The following PUS7 variants were observed in gnomAD, a reference collection of about 807,000 sequenced individuals.
The protein encoded by PUS7 is pseudouridylate synthase 7 homolog.
In PUS7, 48 loss-of-function variants were observed where a neutral mutation model predicts 79.8. The observed-to-expected ratio is 0.60, with a 90% CI of 0.48 to 0.76. The LOEUF (loss-of-function observed/expected upper bound fraction) is 0.76. Among genes scored for constraint, PUS7 ranks in the 30% least tolerant of loss-of-function variants. The probability of loss-of-function intolerance (pLI) is 0.00; values close to 1 mark genes in which losing one functional copy is unlikely to be tolerated. For synonymous variants in PUS7, 286 were observed against 272.2 expected (o/e 1.05, Z -0.50); for missense variants, 729 against 797.6 (o/e 0.91, Z 1.04).
At position 105,470,770 on chromosome 7, in the gene PUS7, G is replaced by C. The variant is rs776599520; in HGVS notation, c.1316C>G (p.Pro439Arg). The change falls in exon 11 of 16, where the codon CCT (proline) becomes CGT (arginine). Residue 439 changes from proline to arginine, a missense_variant. Coordinates refer to ENST00000469408, the MANE Select transcript of PUS7 (RefSeq NM_019042.5). ...KDPTAALRKL[P>R]VKRCVEGQLL... ...CTGCCCTTCCACACACCTTTTGACA[G>C]GTAGTTTTCTGAGGGCAGCAGTTGG... is the stretch of plus-strand genomic sequence containing the variant. 1 of 1,612,454 alleles carries C rather than the reference G, an allele frequency of 6.2e-7. No individual in the cohort carries two copies. Among genetic ancestry groups the C allele is most frequent in the East Asian group, 2.2e-5 (1 of 44,852 alleles).
chr7:105,494,402 ATTTTTTTTTTTT>A (rs756519297), intron 6 of PUS7, among the ~76,000 whole-genome samples: 46 of 87,812 alleles, frequency 5.2e-4, no homozygotes, highest in African/African-American at 1.7e-3. Flanking sequence ...ATGATCAGTG[ATTTTTTTTTTTT>A]TTTTTTTTTT....
chr7:105,496,212 T>G (rs1244387741), intron 5 of PUS7, among the ~76,000 whole-genome samples: 142 of 71,164 alleles, frequency 2.0e-3, no homozygotes, highest in Non-Finnish European at 2.9e-3. Context: ...TATATATATA[T>G]ATATATATAT....
chr7:105,492,806 C>A (rs1426923084), intron 6 of PUS7, among the ~76,000 whole-genome samples: 3 of 151,628 alleles, frequency 2.0e-5, no homozygotes, highest in Admixed American at 6.6e-5. Context: ...CGCGCCCGGC[C>A]GATTTTTTGT....
At chr7:105,478,847 C>G (rs761817726) in intron 9 of PUS7, among the ~76,000 whole-genome samples, 1 of 152,198 alleles carries the variant, frequency 6.6e-6, no homozygotes, top group African/African-American at 2.4e-5. Context: ...GCTGACCGTA[C>G]TGACCTTTGG....
chr7:105,515,791 T>TTTATTTATTTATTTATTTATTTA (rs59653781), intron 1 of PUS7, among the ~76,000 whole-genome samples: 12 of 121,270 alleles, frequency 9.9e-5, no homozygotes, highest in African/African-American at 1.3e-4. Flanking sequence ...TTTTATTTTA[T>TTTATTTATTTATTTATTTATTTA]TTTATTTATT....
At position 105,457,785 on chromosome 7, in the gene PUS7, A is replaced by T. The variant is rs144603382; in HGVS notation, c.*5T>A. 7.4e-6 allele frequency: 12 copies of T among 1,613,780 alleles called. No homozygotes were observed. The highest frequency in any genetic ancestry group is 1.0e-5 in the Non-Finnish European group (12 of 1,179,742). Reference sequence around the variant, plus strand: ...ACGTTTTCTAATCTGTGGACAAGGTACTGCTCAGCGAAGCCAGGTTGTATT... The same window carrying T: ...ACGTTTTCTAATCTGTGGACAAGGTTCTGCTCAGCGAAGCCAGGTTGTATT... On this transcript the variant is annotated 3_prime_UTR_variant, in exon 16 of 16. Transcript: ENST00000469408.
intron 1 of PUS7, among the ~76,000 whole-genome samples, chr7:105,520,670 C>G (rs141620955): frequency 6.6e-6 from 1 of 152,060 alleles, no homozygotes; most frequent in African/African-American, 2.4e-5. Flanking sequence ...TGCAGTGAGC[C>G]AAGATCGTGC....
In PUS7 at chr7:105,507,054, TA is replaced by T. The variant is rs1014424276; in HGVS notation, c.399-782del. Among the ~76,000 whole-genome samples the T allele has an allele frequency of 1.2e-4, 19 of 152,276 alleles. No homozygotes were observed. In the East Asian group the frequency reaches 3.1e-3, roughly 25 times the overall value. On this transcript the variant is annotated intron_variant, in intron 2 of 15. Coordinates refer to ENST00000469408, the MANE Select transcript of PUS7 (RefSeq NM_019042.5). ...TTTAAAAATTTTATTTTATTACTAT[TA>T]TTTTTTTTGAGACAGAGTCTTGCTC...
At chr7:105,517,908 C>T (rs1260362107) in intron 1 of PUS7, among the ~76,000 whole-genome samples, 2 of 152,088 alleles carry the variant, frequency 1.3e-5, no homozygotes, top group Non-Finnish European at 2.9e-5. Context: ...CCAGCACTTT[C>T]GGAGTCCGAG....
At chr7:105,518,962 C>T (rs1176032865) in intron 1 of PUS7, among the ~76,000 whole-genome samples, 1 of 151,714 alleles carries the variant, frequency 6.6e-6, no homozygotes, top group Non-Finnish European at 1.5e-5. Flanking sequence ...TAGAGATGGG[C>T]TTTCACCGTG....
At chr7:105,477,887 C>T (rs1186959908) in intron 9 of PUS7, among the ~76,000 whole-genome samples, 1 of 152,164 alleles carries the variant, frequency 6.6e-6, no homozygotes, top group Non-Finnish European at 1.5e-5. Flanking sequence ...ACTGCATCCT[C>T]AAACTCCTGG....
At chr7:105,471,642 G>T (rs1407614335) in intron 10 of PUS7, among the ~76,000 whole-genome samples, 2 of 152,148 alleles carry the variant, frequency 1.3e-5, no homozygotes, top group Non-Finnish European at 2.9e-5. Context: ...GCTGAGCATG[G>T]TGGCTCATGC....
At chr7:105,513,854 T>A (rs1261036588) in intron 1 of PUS7, among the ~76,000 whole-genome samples, 23 of 132,192 alleles carry the variant, frequency 1.7e-4, no homozygotes, top group South Asian at 5.2e-4. Flanking sequence ...AAAAAAAAAA[T>A]AGTTATTATG....
chr7:105,512,477 T>A (rs1825741630), intron 1 of PUS7, among the ~76,000 whole-genome samples: 1 of 152,024 alleles, frequency 6.6e-6, no homozygotes, highest in Non-Finnish European at 1.5e-5. Context: ...AACCAAAGAC[T>A]ACAATGCCTG....
chr7:105,488,945 G>C (rs955678944), intron 7 of PUS7, among the ~76,000 whole-genome samples: 1 of 151,846 alleles, frequency 6.6e-6, no homozygotes, highest in Non-Finnish European at 1.5e-5. Context: ...TCAGGAGATC[G>C]AGACCATCCT....
In PUS7 at chr7:105,508,561, GA is replaced by G. The variant is rs1825567692; in HGVS notation, c.-32-18del. On this transcript the variant is annotated intron_variant, in intron 1 of 15. Transcript: ENST00000469408. ...TAAGAAAACCTGTTAGGAAAGAGTA[GA>G]AAGTAACAATCACCTATATAAAAGC... 6.4e-7 allele frequency: 1 copy of G among 1,574,286 alleles called. No individual in the cohort carries two copies. Among genetic ancestry groups the G allele is most frequent in the Non-Finnish European group, 8.6e-7 (1 of 1,162,390 alleles).
intron 1 of PUS7, among the ~76,000 whole-genome samples, chr7:105,521,827 A>G (rs146246457): frequency 1.7e-5 from 2 of 120,862 alleles, no homozygotes; most frequent in African/African-American, 2.6e-5. Context: ...CGGGGAGCGG[A>G]GAGCGGCGCC....
chr7:105,512,060 G>T (rs974653249), intron 1 of PUS7, among the ~76,000 whole-genome samples: 4 of 141,404 alleles, frequency 2.8e-5, no homozygotes, highest in Non-Finnish European at 6.0e-5. Flanking sequence ...TAGGAGAATC[G>T]CTTGAACCTG....
At chr7:105,483,978 T>G (rs550138404) in intron 7 of PUS7, among the ~76,000 whole-genome samples, 4 of 152,332 alleles carry the variant, frequency 2.6e-5, no homozygotes, top group African/African-American at 9.6e-5. Context: ...TGTTTCCTCA[T>G]GCTGAGACTC....
Sources: allele counts gnomAD v4.1 joint callset (sites outside exome capture counted in the v4.1 genomes callset), GRCh38; gene constraint gnomAD v4.1.1; transcripts MANE v1.5; gene names NCBI Gene and HGNC (gene_info 2026-07-23, HGNC 2026-07-21).